Variants in MIOS observed in about 807,000 individuals in gnomAD.
MIOS encodes GATOR2 complex protein MIOS.
Under a neutral mutation model 96.9 loss-of-function variants are expected in MIOS, and 52 were observed. That is an observed-to-expected ratio of 0.54 (90% CI 0.43 to 0.68). MIOS has a LOEUF of 0.68. Ranked by LOEUF, MIOS falls within the 30% of genes least tolerant of loss-of-function variation. MIOS has a pLI of 0.00. For synonymous variants in MIOS, 397 were observed against 359.5 expected (o/e 1.10, Z -1.18); for missense variants, 1,005 against 1,052.8 (o/e 0.95, Z 0.63).
intron 9 of MIOS, among the ~76,000 whole-genome samples, chr7:7,593,325 C>CTGAATTTAATAGATTTAATA (rs1275082061): frequency 4.6e-5 from 7 of 152,136 alleles, no homozygotes; most frequent in Non-Finnish European, 1.0e-4. Context: ...GTAATTAACA[C>CTGAATTTAATAGATTTAATA]TGAATTTAAT....
Position 7,595,031 on chromosome 7 carries a change from A to G in MIOS, c.2095A>G (p.Asn699Asp). 3 of 1,613,762 alleles carry G rather than the reference A, an allele frequency of 1.9e-6. No homozygotes were observed. The highest frequency in any genetic ancestry group is 2.5e-6 in the Non-Finnish European group (3 of 1,179,732). ...TGAAAGGGTTCAGTACTGGATTGAG[A>G]ATTATAGAAATTTATTAGATGCCTG... ...KDERVQYWIE[N>D]YRNLLDAWRF... is the part of the protein sequence containing the mutation. The change falls in exon 10 of 13, where the codon AAT (asparagine) becomes GAT (aspartate). Residue 699 changes from asparagine to aspartate, a missense_variant. Coordinates refer to ENST00000340080, the MANE Select transcript of MIOS (RefSeq NM_019005.4).
In MIOS at chr7:7,589,577, G is replaced by A; in HGVS notation, c.2043+14G>A. ...TGTATGTTACAGGTCAGTGCAGTTT[G>A]ACAGCAGCTTTTAAAAAAGTAACAA... On this transcript the variant is annotated intron_variant, in intron 9 of 12. Transcript: ENST00000340080. The A allele has an allele frequency of 1.3e-6, 2 of 1,562,634 alleles. No homozygotes were observed. The highest frequency in any genetic ancestry group is 1.7e-6 in the Non-Finnish European group (2 of 1,152,874).
At position 7,573,193 on chromosome 7, in the gene MIOS, G is replaced by A; in HGVS notation, c.718G>A (p.Val240Ile). The change falls in exon 4 of 13, where the codon GTT becomes ATT. Residue 240 changes from valine to isoleucine, a missense_variant. Physicochemically the swap from Val to Ile is conservative, Grantham distance 29. Transcript: ENST00000340080. The surrounding 1 kb of genome is among the most constrained non-coding windows in gnomAD (Gnocchi z 5.0). ...GGTAGACCCATATTTCCACGATCGTGTTGCTTCCTTCTATGAAGGTCAGGT... is the reference window on the plus strand; with the variant it reads ...GGTAGACCCATATTTCCACGATCGTATTGCTTCCTTCTATGAAGGTCAGGT... ...VTVDPYFHDR[V>I]ASFYEGQVAI... The A allele has an allele frequency of 6.2e-7, 1 of 1,614,116 alleles. No homozygotes were observed. The highest frequency in any genetic ancestry group is 8.5e-7 in the Non-Finnish European group (1 of 1,179,976).
intron 9 of MIOS, among the ~76,000 whole-genome samples, chr7:7,593,273 A>AG (rs1353004334): frequency 6.6e-6 from 1 of 152,224 alleles, no homozygotes; most frequent in African/African-American, 2.4e-5. Flanking sequence ...TGAAATTGTA[A>AG]GCTATGTGTT....
intron 8 of MIOS, among the ~76,000 whole-genome samples, chr7:7,588,992 G>C (rs79738547): frequency 0.14 from 21,454 of 152,092 alleles, 1,680 homozygotes; most frequent in East Asian, 0.28. Flanking sequence ...ATCTTGGCAA[G>C]AGTTTGGGGT....
intron 3 of MIOS, among the ~76,000 whole-genome samples, chr7:7,569,637 A>C (rs138225489): frequency 6.6e-6 from 1 of 152,238 alleles, no homozygotes; most frequent in Admixed American, 6.5e-5. Flanking sequence ...TGGAACACCA[A>C]AAATACTTCA....
At chr7:7,574,066 G>T (rs746184586) in intron 4 of MIOS, 32 bp from the exon 5 acceptor site, 2 of 1,436,026 alleles carry the variant, frequency 1.4e-6, no homozygotes, top group Non-Finnish European at 1.9e-6. Flanking sequence ...ATATTGTCAT[G>T]CATCACTAGT....
intron 7 of MIOS, among the ~76,000 whole-genome samples, chr7:7,586,988 CTTTTTTTTTT>C (rs71988879): frequency 1.6e-5 from 2 of 123,052 alleles, no homozygotes; most frequent in African/African-American, 6.1e-5. Flanking sequence ...TTTTCTTTCC[CTTTTTTTTTT>C]TTTTTTTTTT....
intron 11 of MIOS, among the ~76,000 whole-genome samples, chr7:7,596,930 C>T (rs1190571939): frequency 2.6e-5 from 4 of 152,166 alleles, no homozygotes; most frequent in Non-Finnish European, 5.9e-5. Context: ...TGCAGTGGCT[C>T]ATGCCTGTAA....
intron 7 of MIOS, among the ~76,000 whole-genome samples, chr7:7,586,791 A>T (rs1208141555): frequency 6.6e-6 from 1 of 152,172 alleles, no homozygotes; most frequent in African/African-American, 2.4e-5. Context: ...AACTGTAATT[A>T]ATCTTTTTTG....
chr7:7,568,822 C>T (rs549811140), intron 3 of MIOS, among the ~76,000 whole-genome samples: 2 of 152,292 alleles, frequency 1.3e-5, no homozygotes, highest in South Asian at 4.1e-4. Flanking sequence ...GTCTTTTTCT[C>T]TCAAGTTTTG....
At chr7:7,580,928 C>T (rs1370238270) in intron 5 of MIOS, among the ~76,000 whole-genome samples, 2 of 149,662 alleles carry the variant, frequency 1.3e-5, no homozygotes, top group Non-Finnish European at 3.0e-5. Flanking sequence ...CTCAGGTGAT[C>T]CGCCCACCTC....
intron 3 of MIOS, among the ~76,000 whole-genome samples, chr7:7,571,972 G>A (rs938846676): frequency 1.4e-4 from 22 of 152,182 alleles, no homozygotes; most frequent in Admixed American, 9.8e-4. Context: ...GTGGCTAGTG[G>A]CTACCATATT....
At chr7:7,593,987 T>A (rs1784129966) in intron 9 of MIOS, among the ~76,000 whole-genome samples, 1 of 151,730 alleles carries the variant, frequency 6.6e-6, no homozygotes, top group African/African-American at 2.4e-5. Context: ...TTAGGAAAAT[T>A]ATTACTGGCA....
At chr7:7,595,243 T>G (rs1784170132) in intron 10 of MIOS, 111 bp downstream of exon 10, 4 of 1,185,360 alleles carry the variant, frequency 3.4e-6, no homozygotes, top group Non-Finnish European at 4.7e-6. Flanking sequence ...GATGTCTTTG[T>G]CTTTTGTAGA....
intron 10 of MIOS, among the ~76,000 whole-genome samples, chr7:7,595,453 A>T (rs1270828509): frequency 6.6e-6 from 1 of 152,130 alleles, no homozygotes; most frequent in Non-Finnish European, 1.5e-5. Flanking sequence ...AGCATTATTT[A>T]TGTGCAGTAA....
chr7:7,608,660 A>G lies in MIOS; in HGVS notation c.*1568A>G, dbSNP rs892424879. Reference sequence around the variant, plus strand: ...TTATTAACATATACCCTTTACCTTTAATATTTCATTTGAAGTGTTCCTTTC... The same window carrying G: ...TTATTAACATATACCCTTTACCTTTGATATTTCATTTGAAGTGTTCCTTTC... On this transcript the variant is annotated 3_prime_UTR_variant, in exon 13 of 13. Coordinates refer to ENST00000340080, the MANE Select transcript of MIOS (RefSeq NM_019005.4). 1 of 152,004 alleles carries G rather than the reference A, an allele frequency of 6.6e-6. No homozygotes were observed. Among genetic ancestry groups the G allele is most frequent in the African/African-American group, 2.4e-5 (1 of 41,428 alleles). 9.4% of individuals were successfully genotyped at this position (152,004 alleles called of 1,614,324 possible). A position where few individuals can be genotyped will look rare whatever the true frequency, so the allele number is the denominator to read the frequency against.
intron 5 of MIOS, among the ~76,000 whole-genome samples, chr7:7,577,773 GAGA>G (rs1783585004): frequency 6.6e-6 from 1 of 152,182 alleles, no homozygotes; most frequent in South Asian, 2.1e-4. Flanking sequence ...GGCTGCTGTT[GAGA>G]AGGAGCAGGG....
Position 7,572,063 on chromosome 7 carries a change from A to G in MIOS, c.-40-373A>G, listed in dbSNP as rs778721215. Among the ~76,000 whole-genome samples the G allele has an allele frequency of 2.0e-5, 3 of 152,220 alleles. No individual in the cohort carries two copies. The highest frequency in any genetic ancestry group is 4.4e-5 in the Non-Finnish European group (3 of 68,038). On this transcript the variant is annotated intron_variant, in intron 3 of 12. Transcript: ENST00000340080. This position sits in a 1 kb window ranked among gnomAD's most constrained non-coding sequence, Gnocchi z 4.8. ...CTGCTTTAAACTATTGCTTAGGAAT[A>G]TGATTCATAAGTTTTCCCCCCTTCA...
Sources: allele counts gnomAD v4.1 joint callset (sites outside exome capture counted in the v4.1 genomes callset), GRCh38; gene constraint gnomAD v4.1.1; non-coding constraint Gnocchi (gnomAD v3.1); transcripts MANE v1.5; gene names NCBI Gene and HGNC (gene_info 2026-07-23, HGNC 2026-07-21).